FDFT1: variants seen among roughly 807,000 people sequenced by gnomAD.
FDFT1 encodes the protein squalene synthase.
Under a neutral mutation model 46.8 loss-of-function variants are expected in FDFT1, and 68 were observed. That is an observed-to-expected ratio of 1.45 (90% confidence interval 1.19 to 1.78). FDFT1 has a LOEUF of 1.78. Among genes scored for constraint, FDFT1 ranks in the 40% most tolerant of loss-of-function variants. The pLI, the probability that FDFT1 is intolerant of heterozygous loss-of-function variation, is 0.00. For synonymous variants in FDFT1, 351 were observed against 185.1 expected (o/e 1.90, Z -7.28); for missense variants, 928 against 524.4 (o/e 1.77, Z -7.52).
chr8:11,796,317 G>A (rs1805563599), intron 1 of FDFT1, among the ~76,000 whole-genome samples: 1 of 152,170 alleles, frequency 6.6e-6, no homozygotes. Flanking sequence ...TAAACACTCC[G>A]CCAGATACTG....
At chr8:11,802,728 C>A, upstream of FDFT1, 2 of 867,228 alleles carry the variant, frequency 2.3e-6, no homozygotes, top group South Asian at 3.0e-5. Flanking sequence ...GCCCCCTGTC[C>A]GGCCAGCCCC....
intron 3 of FDFT1, among the ~76,000 whole-genome samples, chr8:11,820,622 T>C (rs1449416172): frequency 6.6e-6 from 1 of 152,146 alleles, no homozygotes. Context: ...CAGCTTGATC[T>C]CAGACTGCTT....
chr8:11,803,109 C>T (rs1193653041), intron 1 of FDFT1, 178 bp downstream of exon 1: 10 of 1,428,872 alleles, frequency 7.0e-6, no homozygotes, highest in Middle Eastern at 2.5e-4. Flanking sequence ...TGGACGCGGC[C>T]GTCCTGGCTG....
In FDFT1 at chr8:11,838,635, CCA is replaced by C; in HGVS notation, c.*28_*29del. ...TCCCAAATTTGTCCATAGCTGAAGT[CCA>C]CCATAAAGTGGATTTACTTTTTTTC... On this transcript the variant is annotated 3_prime_UTR_variant, in exon 8 of 8. Coordinates refer to ENST00000220584, the MANE Select transcript of FDFT1 (RefSeq NM_004462.5). 10 of 1,541,364 alleles carry C rather than the reference CCA, an allele frequency of 6.5e-6. No individual in the cohort carries two copies. The highest frequency in any genetic ancestry group is 9.0e-6 in the Non-Finnish European group (10 of 1,113,738).
Position 11,822,109 on chromosome 8 carries a change from C to CTT in FDFT1, c.510+232_510+233dup, listed in dbSNP as rs200483485. Among the ~76,000 whole-genome samples the CTT allele has an allele frequency of 5.6e-4, 85 of 152,280 alleles. No individual in the cohort carries two copies. In the East Asian group the frequency reaches 0.014, roughly 26 times the overall value. ...AGGAGTAGGGTACTGGAGAGAAGTG[C>CTT]TTATCTAGACAAAGGGATGTAATTG... On this transcript the variant is annotated intron_variant, in intron 4 of 7. Coordinates refer to ENST00000220584, the MANE Select transcript of FDFT1 (RefSeq NM_004462.5).
At chr8:11,833,053 G>GGACA (rs1811067274) in intron 7 of FDFT1, among the ~76,000 whole-genome samples, 1 of 152,122 alleles carries the variant, frequency 6.6e-6, no homozygotes, top group Non-Finnish European at 1.5e-5. Context: ...CAGAAATGCT[G>GGACA]TATGTCCAGA....
intron 3 of FDFT1, among the ~76,000 whole-genome samples, chr8:11,821,203 G>A (rs1240077253): frequency 1.3e-5 from 2 of 152,246 alleles, no homozygotes; most frequent in Non-Finnish European, 2.9e-5. Context: ...TTGGAAAGAT[G>A]AAATGTGTAG....
At chr8:11,810,038 C>A (rs1398037290) in intron 3 of FDFT1, 188 bp downstream of exon 3, 2 of 544,234 alleles carry the variant, frequency 3.7e-6, no homozygotes, top group Non-Finnish European at 6.5e-6. Context: ...CTCAAATCTC[C>A]CACTTACTAA....
At chr8:11,837,114 A>G (rs1392953499) in intron 7 of FDFT1, among the ~76,000 whole-genome samples, 2 of 152,262 alleles carry the variant, frequency 1.3e-5, no homozygotes, top group African/African-American at 2.4e-5. Flanking sequence ...GGGCCTAGGT[A>G]GGAGCCAGTT....
At chr8:11,821,282 T>C (rs552232907) in intron 3 of FDFT1, among the ~76,000 whole-genome samples, 1 of 152,350 alleles carries the variant, frequency 6.6e-6, no homozygotes, top group Admixed American at 6.5e-5. Flanking sequence ...TTAATATTTA[T>C]GAAATTTATG....
At chr8:11,815,508 T>A (rs185804151) in intron 3 of FDFT1, among the ~76,000 whole-genome samples, 8 of 152,228 alleles carry the variant, frequency 5.3e-5, no homozygotes, top group Admixed American at 3.3e-4. Context: ...TAGTCCTGTT[T>A]CTCCACATCC....
chr8:11,808,474 G>A (rs539063916), intron 1 of FDFT1: 2 of 1,305,016 alleles, frequency 1.5e-6, no homozygotes, highest in African/African-American at 1.5e-5. Flanking sequence ...TCCCAGATCT[G>A]CTTGAGTCTA....
chr8:11,796,891 C>T (rs1171780574), intron 1 of FDFT1, among the ~76,000 whole-genome samples: 4 of 152,248 alleles, frequency 2.6e-5, no homozygotes, highest in Non-Finnish European at 4.4e-5. Flanking sequence ...GGCAGTGTGA[C>T]AGCTCCGTGA....
At chr8:11,795,693 G>A (rs1805489421) in exon 1 of FDFT1, 1 of 152,094 alleles carries the variant, frequency 6.6e-6, no homozygotes, top group Non-Finnish European at 1.5e-5. Flanking sequence ...AACACTCACA[G>A]GGTAGGTTTG....
At chr8:11,796,180 C>G (rs1390048367) in intron 1 of FDFT1, among the ~76,000 whole-genome samples, 1 of 152,174 alleles carries the variant, frequency 6.6e-6, no homozygotes, top group African/African-American at 2.4e-5. Context: ...AAATACAAAG[C>G]CAAATCCTAC....
intron 7 of FDFT1, among the ~76,000 whole-genome samples, chr8:11,837,024 G>A (rs962959356): frequency 6.7e-6 from 1 of 149,588 alleles, no homozygotes; most frequent in South Asian, 2.1e-4. Flanking sequence ...GTAAAGGTAT[G>A]TACAATAGGG....
intron 6 of FDFT1, 107 bp downstream of exon 6, chr8:11,830,527 C>A: frequency 2.5e-6 from 2 of 787,418 alleles, no homozygotes; most frequent in Non-Finnish European, 4.2e-6. Context: ...CTTAAAAAGA[C>A]GATGACTCCA....
intron 5 of FDFT1, among the ~76,000 whole-genome samples, chr8:11,827,755 T>C (rs1810202677): frequency 6.6e-6 from 1 of 151,984 alleles, no homozygotes; most frequent in Admixed American, 6.6e-5. Context: ...TTTAAACTAC[T>C]CTGGGGGCTG....
upstream of FDFT1, chr8:11,802,392 C>G: frequency 2.2e-6 from 1 of 456,456 alleles, no homozygotes. Flanking sequence ...CCGTTGGGCT[C>G]CTGCGCATCC....
Sources: gnomAD v4.1 joint callset for allele counts (sites outside exome capture counted in the v4.1 genomes callset) on GRCh38, gnomAD v4.1.1 for gene constraint, MANE v1.5 for transcripts, NCBI Gene and HGNC (gene_info 2026-07-23, HGNC 2026-07-21) for gene names.